The following OTC variants were observed in gnomAD, a reference collection of about 807,000 sequenced individuals.
OTC encodes ornithine transcarbamylase, mitochondrial.
In OTC, 3 loss-of-function variants were observed where a neutral mutation model predicts 30.3. That is an observed-to-expected ratio of 0.10 (90% CI 0.05 to 0.26). The LOEUF is 0.26. OTC is among the 10% of genes least tolerant of loss of function. OTC has a pLI of 1.00. For synonymous variants in OTC, 111 were observed against 99.7 expected (o/e 1.11, Z -0.67); for missense variants, 194 against 260.3 (o/e 0.75, Z 1.75).
At chrX:38,354,365 C>G (rs1452204323) in intron 1 of OTC, among the ~76,000 whole-genome samples, 1 of 111,946 alleles carries the variant, frequency 8.9e-6, no homozygotes, top group Non-Finnish European at 1.9e-5. Flanking sequence ...AAATTTTATT[C>G]TATAGCTTTT....
intron 9 of OTC, among the ~76,000 whole-genome samples, chrX:38,419,671 C>T (rs1290856149): frequency 9.0e-6 from 1 of 111,510 alleles, no homozygotes; most frequent in Non-Finnish European, 1.9e-5. Context: ...TTATGTATGT[C>T]GATTTCATTT....
chrX:38,341,148 T>C, the OTC span, among the ~76,000 whole-genome samples: 1 of 112,079 alleles, frequency 8.9e-6, no homozygotes, highest in African/African-American at 3.2e-5. Flanking sequence ...TATCCAGTTT[T>C]TTCACTCAAT....
chrX:38,354,361 T>G (rs748249044), intron 1 of OTC, among the ~76,000 whole-genome samples: 31 of 112,342 alleles, frequency 2.8e-4, no homozygotes, highest in Admixed American at 4.7e-4. Flanking sequence ...GATGAAATTT[T>G]ATTCTATAGC....
chrX:38,418,262 A>G (rs1016179244), intron 9 of OTC, among the ~76,000 whole-genome samples: 1 of 111,687 alleles, frequency 9.0e-6, no homozygotes, highest in African/African-American at 3.3e-5. Flanking sequence ...TTTTTCATGA[A>G]CTTGATGATT....
chrX:38,408,751 C>G lies in OTC; in HGVS notation c.673C>G (p.Pro225Ala). Residue 225 changes from proline (P) to alanine (A), a missense_variant, in exon 7 of 10, where the codon CCG becomes GCG. By Grantham distance (27) the Pro-to-Ala change is conservative (BLOSUM62 -1). Coordinates refer to ENST00000039007, the MANE Select transcript of OTC (RefSeq NM_000531.6). ...ATTCTTCCTCCTTTAGGGTTATGAG[C>G]CGGATGCTAGTGTAACCAAGTTGGC... is the stretch of plus-strand genomic sequence containing the variant. ...LQAATPKGYE[P>A]DASVTKLAEQ... is the part of the protein sequence containing the mutation. 1 of 1,197,377 alleles carries G rather than the reference C, an allele frequency of 8.4e-7. No individual in the cohort carries two copies. Among genetic ancestry groups the G allele is most frequent in the African/African-American group, 1.7e-5 (1 of 57,473 alleles).
At chrX:38,355,504 A>G (rs1366164518) in intron 1 of OTC, among the ~76,000 whole-genome samples, 1 of 112,342 alleles carries the variant, frequency 8.9e-6, no homozygotes, top group Non-Finnish European at 1.9e-5. Flanking sequence ...AAGCTACTCA[A>G]TTCTGTGGAG....
At chrX:38,372,801 G>C (rs1301360961) in intron 3 of OTC, among the ~76,000 whole-genome samples, 1 of 111,996 alleles carries the variant, frequency 8.9e-6, no homozygotes, top group East Asian at 2.8e-4. Flanking sequence ...GTTGTCCTTT[G>C]GTACAATTTT....
At chrX:38,386,553 T>C (rs1319094820) in intron 4 of OTC, among the ~76,000 whole-genome samples, 1 of 111,213 alleles carries the variant, frequency 9.0e-6, no homozygotes, top group Non-Finnish European at 1.9e-5. Flanking sequence ...ACTCATGCAA[T>C]ATTTGTCCTT....
intron 4 of OTC, among the ~76,000 whole-genome samples, chrX:38,385,788 C>G (rs925454519): frequency 3.6e-5 from 4 of 112,042 alleles, no homozygotes; most frequent in African/African-American, 1.3e-4. Context: ...ATGTATTGTA[C>G]AGCAGATCTT....
intron 3 of OTC, among the ~76,000 whole-genome samples, chrX:38,371,098 G>A (rs1000328064): frequency 1.2e-3 from 134 of 111,634 alleles, no homozygotes; most frequent in African/African-American, 4.2e-3. Context: ...GGAACACATA[G>A]CAGAGTACAG....
chrX:38,413,700 C>T (rs776384209), intron 9 of OTC, among the ~76,000 whole-genome samples: 41 of 106,377 alleles, frequency 3.9e-4, no homozygotes, highest in Non-Finnish European at 4.4e-4. Context: ...GATAGAGTCT[C>T]GCTCTGTTGC....
intron 6 of OTC, among the ~76,000 whole-genome samples, chrX:38,408,360 A>G: frequency 8.9e-6 from 1 of 112,037 alleles, no homozygotes; most frequent in Middle Eastern, 4.6e-3. Context: ...GGAAGAAAGA[A>G]TTTCAGACAA....
chrX:38,376,170 T>C (rs200227868), intron 3 of OTC, among the ~76,000 whole-genome samples: 1 of 109,713 alleles, frequency 9.1e-6, no homozygotes, highest in Admixed American at 1.0e-4. Flanking sequence ...CAAAGCCTTA[T>C]AGGTTTGATG....
chrX:38,372,755 C>T (rs1309624889), intron 3 of OTC, among the ~76,000 whole-genome samples: 1 of 112,772 alleles, frequency 8.9e-6, no homozygotes, highest in African/African-American at 3.2e-5. Flanking sequence ...AAAATCATGA[C>T]AGAACATTCC....
chrX:38,350,380 G>A (rs193086126), upstream of OTC, among the ~76,000 whole-genome samples: 1 of 111,930 alleles, frequency 8.9e-6, no homozygotes, highest in East Asian at 2.8e-4. Flanking sequence ...ATGGATGAAT[G>A]AAAGGCTAGG....
At chrX:38,383,566 G>A in intron 4 of OTC, among the ~76,000 whole-genome samples, 1 of 111,719 alleles carries the variant, frequency 9.0e-6, no homozygotes, top group East Asian at 2.8e-4. Flanking sequence ...GGGAGGCCGA[G>A]GCGGGTGGAT....
At chrX:38,328,441 C>T in the OTC span, among the ~76,000 whole-genome samples, 5 of 112,088 alleles carry the variant, frequency 4.5e-5, no homozygotes, top group Non-Finnish European at 7.5e-5. Flanking sequence ...GAAGCGTTGA[C>T]CTGGTGTAGG....
intron 6 of OTC, among the ~76,000 whole-genome samples, chrX:38,408,530 T>C (rs1017214740): frequency 9.0e-6 from 1 of 111,531 alleles, no homozygotes; most frequent in Admixed American, 9.5e-5. Context: ...TCGGAGATAG[T>C]GAAAGCTGGG....
chrX:38,418,663 T>C (rs1296661077), intron 9 of OTC, among the ~76,000 whole-genome samples: 1 of 111,717 alleles, frequency 9.0e-6, no homozygotes, highest in Non-Finnish European at 1.9e-5. Flanking sequence ...GATAATTGAA[T>C]CACAGGGGCA....
Sources: gnomAD v4.1 joint callset for allele counts (sites outside exome capture counted in the v4.1 genomes callset) on GRCh38, gnomAD v4.1.1 for gene constraint, MANE v1.5 for transcripts, NCBI Gene and HGNC (gene_info 2026-07-23, HGNC 2026-07-21) for gene names.